FHIT: variants seen among roughly 807,000 people sequenced by gnomAD.
FHIT encodes fragile histidine triad diadenosine triphosphatase.
FHIT carries 19 observed loss-of-function variants against 17.9 expected under a neutral mutation model. That is an observed-to-expected ratio of 1.06 (90% CI 0.74 to 1.56). The LOEUF is 1.56. FHIT is among the 40% of genes most tolerant of loss of function. The pLI, the probability that FHIT is intolerant of heterozygous loss-of-function variation, is 0.00. For synonymous variants in FHIT, 81 were observed against 69.7 expected (o/e 1.16, Z -0.81); for missense variants, 248 against 189.2 (o/e 1.31, Z -1.82).
At chr3:59,981,010 T>C (rs1708629978) in intron 7 of FHIT, among the ~76,000 whole-genome samples, 1 of 152,134 alleles carries the variant, frequency 6.6e-6, no homozygotes, top group African/African-American at 2.4e-5. Context: ...TACCCAAAAG[T>C]ATCTATAGAC....
chr3:60,752,844 T>C (rs1450039732), intron 4 of FHIT, among the ~76,000 whole-genome samples: 1 of 152,196 alleles, frequency 6.6e-6, no homozygotes, highest in African/African-American at 2.4e-5. Context: ...AAAACAGACA[T>C]TTAATGTAGT....
At chr3:60,267,118 T>A (rs1268445081) in intron 5 of FHIT, among the ~76,000 whole-genome samples, 9 of 152,028 alleles carry the variant, frequency 5.9e-5, no homozygotes, top group African/African-American at 2.2e-4. Context: ...TTAGTTATGT[T>A]CTCTGCTTCC....
At chr3:61,235,718 A>G (rs2040214987) in intron 1 of FHIT, among the ~76,000 whole-genome samples, 1 of 152,052 alleles carries the variant, frequency 6.6e-6, no homozygotes, top group South Asian at 2.1e-4. Context: ...AAAAGAACCC[A>G]TGTTGGATAC....
At chr3:60,795,218 T>C (rs1376687768) in intron 4 of FHIT, among the ~76,000 whole-genome samples, 1 of 152,206 alleles carries the variant, frequency 6.6e-6, no homozygotes, top group African/African-American at 2.4e-5. Context: ...ATAAAATTAA[T>C]TTTACCAGTT....
chr3:60,618,063 A>G (rs2039006328), intron 4 of FHIT: 1 of 162,200 alleles, frequency 6.2e-6, no homozygotes, highest in Non-Finnish European at 1.3e-5. Context: ...GATACAAAGT[A>G]AATTTAAAAA....
chr3:60,718,418 A>G (rs992715060), intron 4 of FHIT, among the ~76,000 whole-genome samples: 3 of 152,114 alleles, frequency 2.0e-5, no homozygotes, highest in African/African-American at 4.8e-5. Context: ...CAAAAGCACA[A>G]CTCACCCCTT....
chr3:60,312,689 G>T (rs1709000302), intron 5 of FHIT, among the ~76,000 whole-genome samples: 2 of 152,094 alleles, frequency 1.3e-5, no homozygotes, highest in Non-Finnish European at 2.9e-5. Context: ...CCTTTGAGAA[G>T]TATGATTAAA....
At chr3:60,243,142 A>T (rs2107576834) in intron 5 of FHIT, among the ~76,000 whole-genome samples, 1 of 151,804 alleles carries the variant, frequency 6.6e-6, no homozygotes, top group South Asian at 2.1e-4. Flanking sequence ...CGCCTTTGGG[A>T]GGGTGGTCTA....
At chr3:60,479,510 C>T (rs1328009755) in intron 5 of FHIT, among the ~76,000 whole-genome samples, 1 of 152,168 alleles carries the variant, frequency 6.6e-6, no homozygotes, top group African/African-American at 2.4e-5. Context: ...TAGCACAAGA[C>T]ATTACTTATG....
intron 5 of FHIT, among the ~76,000 whole-genome samples, chr3:60,047,563 G>A (rs868625088): frequency 1.3e-5 from 2 of 152,312 alleles, no homozygotes; most frequent in East Asian, 1.9e-4. Flanking sequence ...CACACCTGGC[G>A]TGAACCGATA....
intron 2 of FHIT, among the ~76,000 whole-genome samples, chr3:61,123,602 A>C (rs2036525088): frequency 6.6e-6 from 1 of 152,214 alleles, no homozygotes; most frequent in Non-Finnish European, 1.5e-5. Flanking sequence ...AAAATACATT[A>C]GAAGAAGCAG....
intron 5 of FHIT, among the ~76,000 whole-genome samples, chr3:60,165,960 A>T (rs1701153715): frequency 3.9e-5 from 6 of 152,282 alleles, no homozygotes. Context: ...TTTTATACTT[A>T]CAAAAATGCC....
intron 5 of FHIT, among the ~76,000 whole-genome samples, chr3:60,479,395 T>C (rs574881891): frequency 6.6e-6 from 1 of 152,296 alleles, no homozygotes; most frequent in East Asian, 1.9e-4. Context: ...CACCACGTAA[T>C]GACATTTTAG....
chr3:61,205,486 G>A (rs2039194149), intron 1 of FHIT, among the ~76,000 whole-genome samples: 1 of 152,140 alleles, frequency 6.6e-6, no homozygotes, highest in Admixed American at 6.5e-5. Flanking sequence ...AGCACCTGTT[G>A]TTTCCTGACA....
intron 8 of FHIT, among the ~76,000 whole-genome samples, chr3:59,890,043 C>T (rs1428288948): frequency 1.3e-5 from 2 of 152,164 alleles, no homozygotes; most frequent in African/African-American, 4.8e-5. Context: ...AATATCTAAG[C>T]AGTGCTCAAA....
At chr3:61,213,610 T>C (rs1180864505) in intron 1 of FHIT, among the ~76,000 whole-genome samples, 1 of 152,126 alleles carries the variant, frequency 6.6e-6, no homozygotes, top group African/African-American at 2.4e-5. Context: ...GACAGAAAGT[T>C]AACAAGGATA....
intron 5 of FHIT, among the ~76,000 whole-genome samples, chr3:60,219,432 T>A (rs1484595092): frequency 6.6e-6 from 1 of 152,144 alleles, no homozygotes; most frequent in Non-Finnish European, 1.5e-5. Context: ...GTCAACATAT[T>A]TATGTTAAAC....
chr3:60,239,762 A>G (rs948823122), intron 5 of FHIT, among the ~76,000 whole-genome samples: 17 of 152,186 alleles, frequency 1.1e-4, no homozygotes, highest in Admixed American at 5.2e-4. Flanking sequence ...GAATAAGAAG[A>G]CTAAATACTT....
At chr3:61,014,095 C>T (rs568407719) in intron 3 of FHIT, among the ~76,000 whole-genome samples, 2 of 152,220 alleles carry the variant, frequency 1.3e-5, no homozygotes, top group Admixed American at 1.3e-4. Flanking sequence ...CATGACTTTC[C>T]AGATTCCTAC....
Sources: allele counts gnomAD v4.1 joint callset (sites outside exome capture counted in the v4.1 genomes callset), GRCh38; gene constraint gnomAD v4.1.1; transcripts MANE v1.5; gene names NCBI Gene and HGNC (gene_info 2026-07-23, HGNC 2026-07-21).